S100PBP: variants seen among roughly 807,000 people sequenced by gnomAD.
The protein encoded by S100PBP is S100P binding protein.
In S100PBP, 15 loss-of-function variants were observed where a neutral mutation model predicts 39.9. The observed-to-expected ratio is 0.38, with a 90% CI of 0.25 to 0.58. The LOEUF is 0.58. S100PBP is among the 20% of genes least tolerant of loss of function. The pLI, the probability that S100PBP is intolerant of heterozygous loss-of-function variation, is 0.70. For synonymous variants in S100PBP, 178 were observed against 180.3 expected, an observed-to-expected ratio of 0.99 and a Z score of 0.10; for missense variants, 504 against 487.3, an observed-to-expected ratio of 1.03 and a Z score of -0.32.
intron 5 of S100PBP, among the ~76,000 whole-genome samples, chr1:32,845,383 C>A (rs1009859349): frequency 6.6e-6 from 1 of 151,980 alleles, no homozygotes; most frequent in African/African-American, 2.4e-5. Context: ...GCTGAGTGAA[C>A]CAATGTCGTG....
At chr1:32,838,333 CAAA>C (rs770251816) in intron 5 of S100PBP, among the ~76,000 whole-genome samples, 4 of 67,866 alleles carry the variant, frequency 5.9e-5, no homozygotes, top group Admixed American at 5.3e-4. Context: ...GACTCTGTCT[CAAA>C]AAAAAAAAAA....
chr1:32,840,360 G>A (rs1451091801), intron 5 of S100PBP, among the ~76,000 whole-genome samples: 1 of 151,324 alleles, frequency 6.6e-6, no homozygotes, highest in Non-Finnish European at 1.5e-5. Context: ...CTGTTTGTTT[G>A]TTTATTTTAT....
At chr1:32,817,175 C>A (rs1401031007), upstream of S100PBP, 2 of 1,614,160 alleles carry the variant, frequency 1.2e-6, no homozygotes, top group East Asian at 2.2e-5. Context: ...CATTTCCAAC[C>A]CCCAGGCCTG....
chr1:32,817,328 G>A (rs1020038133), upstream of S100PBP: 8 of 1,556,188 alleles, frequency 5.1e-6, no homozygotes, highest in Admixed American at 1.2e-4. Flanking sequence ...GCCGGGAACT[G>A]TCACGCGAGT....
intron 5 of S100PBP, among the ~76,000 whole-genome samples, chr1:32,851,876 G>A (rs980563161): frequency 2.6e-5 from 4 of 152,148 alleles, no homozygotes; most frequent in East Asian, 1.9e-4. Flanking sequence ...TAAAATTTGC[G>A]AACCACTGGT....
In S100PBP at chr1:32,856,245, G is replaced by T; in HGVS notation, c.*207G>T. 2.7e-6 allele frequency: 1 copy of T among 376,002 alleles called. No individual in the cohort carries two copies. Among genetic ancestry groups the T allele is most frequent in the Non-Finnish European group, 4.9e-6 (1 of 203,112 alleles). 23.3% of individuals were successfully genotyped at this position (376,002 alleles called of 1,614,324 possible). The stretch of plus-strand genomic sequence containing the variant: ...GTCCCTCCTGATTTTGTGTGTGTGT[G>T]TCTGTGTTTAAGCAAGCGTTCGGTT... On this transcript the variant is annotated 3_prime_UTR_variant, in exon 7 of 7. Coordinates refer to ENST00000373475, the MANE Select transcript of S100PBP (RefSeq NM_022753.4).
rs370223401 is a variant in S100PBP at position 32,829,978 on chromosome 1, C to T, written c.935C>T (p.Thr312Met). ...LQTKTRTNVPTFSQSNLEQQK... is the reference protein window; with the variant it reads ...LQTKTRTNVPMFSQSNLEQQK... ...CTTTATTCAAGGACTAATGTTCCGA[C>T]GTTTTCACAGTCAAATCTAGAACAG... Residue 312 changes from threonine to methionine, a missense_variant, in exon 5 of 7, where the codon ACG (threonine) becomes ATG (methionine). Physicochemically the swap from Thr to Met is moderately conservative, Grantham distance 81. Transcript: ENST00000373475. 9 of 1,613,432 alleles carry T rather than the reference C, an allele frequency of 5.6e-6. No individual in the cohort carries two copies. The Admixed American group carries it at 8.3e-5, about 15-fold the overall frequency.
intron 5 of S100PBP, chr1:32,836,695 C>T (rs974631024): frequency 9.8e-6 from 5 of 511,222 alleles, no homozygotes; most frequent in Non-Finnish European, 1.3e-5. Context: ...GTTCTTTAGC[C>T]CTGCAACAGA....
At chr1:32,832,173 T>C (rs947775157) in intron 5 of S100PBP, among the ~76,000 whole-genome samples, 2 of 152,196 alleles carry the variant, frequency 1.3e-5, no homozygotes, top group South Asian at 2.1e-4. Flanking sequence ...TTAACTTACA[T>C]GAAAATTATA....
intron 1 of S100PBP, among the ~76,000 whole-genome samples, chr1:32,824,025 C>T (rs141556909): frequency 5.3e-5 from 8 of 152,218 alleles, no homozygotes; most frequent in African/African-American, 1.4e-4. Context: ...AGTGAAACCC[C>T]ATCTCTACTA....
chr1:32,841,140 G>C (rs1322220446), intron 5 of S100PBP, among the ~76,000 whole-genome samples: 1 of 146,152 alleles, frequency 6.8e-6, no homozygotes, highest in Non-Finnish European at 1.5e-5. Flanking sequence ...CAGCCTGGGC[G>C]ACAGAGCAAG....
intron 1 of S100PBP, among the ~76,000 whole-genome samples, chr1:32,822,564 T>C (rs1569829319): frequency 7.1e-6 from 1 of 140,072 alleles, no homozygotes; most frequent in Non-Finnish European, 1.5e-5. Flanking sequence ...GAGCTTGCAG[T>C]GAGCCGAGAT....
chr1:32,828,185 C>A, intron 4 of S100PBP, 104 bp downstream of exon 4: 1 of 680,782 alleles, frequency 1.5e-6, no homozygotes, highest in South Asian at 1.9e-5. Flanking sequence ...AATCCCTACT[C>A]CAGGAGTAAG....
At chr1:32,831,443 G>A (rs1405679728) in intron 5 of S100PBP, among the ~76,000 whole-genome samples, 2 of 151,856 alleles carry the variant, frequency 1.3e-5, no homozygotes, top group Admixed American at 6.6e-5. Context: ...AGGGTTTTAG[G>A]AGAATTTTTG....
intron 5 of S100PBP, among the ~76,000 whole-genome samples, chr1:32,848,135 C>A (rs1029884357): frequency 1.3e-5 from 2 of 152,120 alleles, no homozygotes; most frequent in Admixed American, 1.3e-4. Context: ...GGTGAAACCC[C>A]ATCTCTACTA....
At chr1:32,845,459 T>C (rs1640323856) in intron 5 of S100PBP, among the ~76,000 whole-genome samples, 1 of 151,508 alleles carries the variant, frequency 6.6e-6, no homozygotes. Flanking sequence ...TAAATAGAGA[T>C]GGTATCTCAC....
intron 5 of S100PBP, among the ~76,000 whole-genome samples, chr1:32,830,489 CA>C (rs1356062183): frequency 1.3e-5 from 2 of 152,212 alleles, no homozygotes; most frequent in Non-Finnish European, 2.9e-5. Context: ...CACCATTCTG[CA>C]TTTTGGCTTC....
chr1:32,817,171 C>T, upstream of S100PBP: 5 of 1,614,120 alleles, frequency 3.1e-6, no homozygotes, highest in Middle Eastern at 1.6e-4. Flanking sequence ...GGCGCATTTC[C>T]AACCCCCAGG....
chr1:32,838,579 A>G (rs891813095), intron 5 of S100PBP, among the ~76,000 whole-genome samples: 2 of 152,180 alleles, frequency 1.3e-5, no homozygotes, highest in Non-Finnish European at 2.9e-5. Context: ...GCAGTGGCTC[A>G]CGCCTGTAAT....
Sources: gnomAD v4.1 joint callset for allele counts (sites outside exome capture counted in the v4.1 genomes callset) on GRCh38, gnomAD v4.1.1 for gene constraint, MANE v1.5 for transcripts, NCBI Gene and HGNC (gene_info 2026-07-23, HGNC 2026-07-21) for gene names.